RASSF2: variants seen among roughly 807,000 people sequenced by gnomAD.
RASSF2 encodes the protein ras association domain-containing protein 2.
A neutral mutation model predicts 46.3 loss-of-function variants in RASSF2; 34 were observed. That is an observed-to-expected ratio of 0.73 (90% CI 0.56 to 0.98). The LOEUF is 0.98. Ranked by LOEUF, RASSF2 falls within the 50% of genes least tolerant of loss-of-function variation. The probability of loss-of-function intolerance (pLI) is 0.00; values close to 1 mark genes in which losing one functional copy is unlikely to be tolerated. For missense variants in RASSF2, 364 were observed against 431.2 expected (o/e 0.84, Z 1.38); for synonymous variants, 158 against 162.5 (o/e 0.97, Z 0.21).
In RASSF2 at chr20:4,795,051, C is replaced by T. The variant is rs1445957224; in HGVS notation, c.287+764G>A. Among the ~76,000 whole-genome samples, 3 of 152,232 alleles carry T rather than the reference C, an allele frequency of 2.0e-5. No homozygotes were observed. Among genetic ancestry groups the T allele is most frequent in the Non-Finnish European group, 4.4e-5 (3 of 68,044 alleles). On this transcript the variant is annotated intron_variant, in intron 5 of 11. Coordinates refer to ENST00000379400, the MANE Select transcript of RASSF2 (RefSeq NM_014737.3). This position sits in a 1 kb window ranked among gnomAD's most constrained non-coding sequence, Gnocchi z 4.0. Reference sequence around the variant, plus strand: ...ACTCCACCCAGGCTGGGGCCGAAGGCAGTCAGCATCAGCAGGTTTCAGGAT... The same window carrying T: ...ACTCCACCCAGGCTGGGGCCGAAGGTAGTCAGCATCAGCAGGTTTCAGGAT...
At chr20:4,802,127 A>T (rs1368665728) in intron 2 of RASSF2, among the ~76,000 whole-genome samples, 1 of 151,852 alleles carries the variant, frequency 6.6e-6, no homozygotes, top group Non-Finnish European at 1.5e-5. Context: ...CTGGGAGTGC[A>T]GTGGCATGAC....
intron 2 of RASSF2, among the ~76,000 whole-genome samples, chr20:4,806,740 C>T (rs761932348): frequency 6.6e-6 from 1 of 152,176 alleles, no homozygotes; most frequent in Non-Finnish European, 1.5e-5. Context: ...CCACTGCAGC[C>T]GGTCCATTCT....
intron 1 of RASSF2, 22 bp downstream of exon 1, chr20:4,823,535 C>G (rs1297651729): frequency 1.3e-5 from 2 of 152,962 alleles, no homozygotes; most frequent in East Asian, 3.8e-4. Flanking sequence ...CCTCCAGCCC[C>G]TTGGCCTTTT....
rs115414357 is a variant in RASSF2, at chr20:4,789,765, G to A, written c.538-68C>T. 7.0e-4 allele frequency: 915 copies of A among 1,311,274 alleles called. 5 individuals carry two copies. The African/African-American group carries it at 9.9e-3, about 14-fold the overall frequency. 81.2% of individuals were successfully genotyped at this position (1,311,274 alleles called of 1,614,324 possible). On this transcript the variant is annotated intron_variant, in intron 7 of 11. Transcript: ENST00000379400. ...GGACCCAGTGCTAAAATCCAGGTGCGGTACAGGGCACAGTGACAACGATAC... is the reference window on the plus strand; with the variant it reads ...GGACCCAGTGCTAAAATCCAGGTGCAGTACAGGGCACAGTGACAACGATAC...
intron 10 of RASSF2, among the ~76,000 whole-genome samples, chr20:4,786,858 C>T (rs879510146): frequency 2.0e-5 from 3 of 151,864 alleles, no homozygotes; most frequent in South Asian, 2.1e-4. Flanking sequence ...CTGAGGCGGG[C>T]GGATCACTTG....
intron 7 of RASSF2, 37 bp from the exon 8 acceptor site, chr20:4,789,734 G>A (rs753413312): frequency 6.4e-7 from 1 of 1,559,320 alleles, no homozygotes; most frequent in East Asian, 2.2e-5. Context: ...GTGGGAGTGG[G>A]AACAAGGACC....
chr20:4,816,513 G>A (rs948022725), intron 2 of RASSF2, among the ~76,000 whole-genome samples: 15 of 152,122 alleles, frequency 9.9e-5, no homozygotes, highest in African/African-American at 3.4e-4. Flanking sequence ...TTGGAACGAC[G>A]AAAAAGTTCT....
chr20:4,816,997 C>T (rs184230204), intron 2 of RASSF2, among the ~76,000 whole-genome samples: 1 of 152,174 alleles, frequency 6.6e-6, no homozygotes, highest in East Asian at 1.9e-4. Context: ...CCCAGCTACT[C>T]GGGAGGCTGA....
intron 6 of RASSF2, 102 bp downstream of exon 6, chr20:4,792,437 T>C (rs1458355103): frequency 1.9e-6 from 3 of 1,550,566 alleles, no homozygotes; most frequent in African/African-American, 1.4e-5. Flanking sequence ...TTGAACCATA[T>C]ACATTTTATA....
chr20:4,794,052 C>T (rs1926128740), intron 5 of RASSF2, among the ~76,000 whole-genome samples: 1 of 152,160 alleles, frequency 6.6e-6, no homozygotes, highest in Non-Finnish European at 1.5e-5. Context: ...GTGAAATGGG[C>T]TTGGCCATTG....
intron 10 of RASSF2, among the ~76,000 whole-genome samples, chr20:4,787,057 C>CCA (rs1568562722): frequency 7.4e-6 from 1 of 135,900 alleles, no homozygotes. Context: ...GACTCCATCC[C>CCA]AAAAAAAAAA....
At chr20:4,803,200 C>T (rs980912058) in intron 2 of RASSF2, among the ~76,000 whole-genome samples, 3 of 151,890 alleles carry the variant, frequency 2.0e-5, no homozygotes, top group African/African-American at 2.4e-5. Flanking sequence ...CATGAGCCAC[C>T]GCACCCAGCC....
intron 2 of RASSF2, among the ~76,000 whole-genome samples, chr20:4,814,252 C>G (rs1928092956): frequency 6.6e-6 from 1 of 152,214 alleles, no homozygotes; most frequent in Admixed American, 6.5e-5. Context: ...TCTCCCAGCT[C>G]TGCAGAGACA....
chr20:4,800,303 C>T (rs192968489), intron 3 of RASSF2, among the ~76,000 whole-genome samples: 1 of 152,286 alleles, frequency 6.6e-6, no homozygotes, highest in Non-Finnish European at 1.5e-5. Flanking sequence ...CACACTACTC[C>T]AGCCAGGACT....
At chr20:4,818,863 C>A (rs1244669604) in intron 2 of RASSF2, among the ~76,000 whole-genome samples, 1 of 152,226 alleles carries the variant, frequency 6.6e-6, no homozygotes, top group Non-Finnish European at 1.5e-5. Context: ...ATGTGCCAGG[C>A]TAAGCACATG....
chr20:4,803,534 A>T (rs1927069828), intron 2 of RASSF2, among the ~76,000 whole-genome samples: 1 of 152,082 alleles, frequency 6.6e-6, no homozygotes, highest in Non-Finnish European at 1.5e-5. Flanking sequence ...CAGGAGGATC[A>T]TTCGAGGCCA....
chr20:4,802,906 A>T (rs1350772756), intron 2 of RASSF2, among the ~76,000 whole-genome samples: 1 of 77,934 alleles, frequency 1.3e-5, no homozygotes, highest in Non-Finnish European at 2.6e-5. Context: ...ACATATATAT[A>T]TATATATATT....
At position 4,782,166 on chromosome 20, in the gene RASSF2, T is replaced by A. The variant is rs567333525; in HGVS notation, c.*2107A>T. ...GTTGCAGTATTTCCCCATCTAACAC[T>A]ATCGTAGTGCTAGTGCAAATCAAAG... On this transcript the variant is annotated 3_prime_UTR_variant, in exon 12 of 12. Transcript: ENST00000379400. 6.6e-6 allele frequency: 1 copy of A among 152,386 alleles called. No homozygotes were observed. The highest frequency in any genetic ancestry group is 2.1e-4 in the South Asian group (1 of 4,830). 9.4% of individuals were successfully genotyped at this position (152,386 alleles called of 1,614,324 possible).
Position 4,784,282 on chromosome 20 carries a change from T to C in RASSF2, c.972A>G (p.Ala324=), listed in dbSNP as rs751359085. The C allele has an allele frequency of 6.2e-7, 1 of 1,613,690 alleles. No homozygotes were observed. Among genetic ancestry groups the C allele is most frequent in the Non-Finnish European group, 8.5e-7 (1 of 1,179,636 alleles). Residue 324 remains alanine, a synonymous_variant, in exon 12 of 12, where the codon GCA becomes GCG. Coordinates refer to ENST00000379400, the MANE Select transcript of RASSF2 (RefSeq NM_014737.3). ...CCCTCGTTCTCATGGCTCAGATTGT[T>C]GCTGGGGTCTCGGCTATCTCCTCCA... ...QRLEEIAETP[A]TI
Sources: gnomAD v4.1 joint callset for allele counts (sites outside exome capture counted in the v4.1 genomes callset) on GRCh38, gnomAD v4.1.1 for gene constraint, Gnocchi (gnomAD v3.1) non-coding constraint, MANE v1.5 for transcripts, NCBI Gene and HGNC (gene_info 2026-07-23, HGNC 2026-07-21) for gene names.